OPCML: variants seen among roughly 807,000 people sequenced by gnomAD.
OPCML encodes opioid-binding protein/cell adhesion molecule.
In OPCML, 13 loss-of-function variants were observed where a neutral mutation model predicts 37.8. The ratio of observed to expected loss-of-function variants is 0.34; its 90% confidence interval spans 0.22 to 0.55. The LOEUF (loss-of-function observed/expected upper bound fraction) is 0.55, where lower values mean the gene tolerates loss of function less well. Ranked by LOEUF, OPCML falls within the 20% of genes least tolerant of loss-of-function variation. The pLI is 0.91. For missense variants in OPCML, 341 were observed against 435.6 expected (o/e 0.78, Z 1.93); for synonymous variants, 176 against 168.8 (o/e 1.04, Z -0.33).
chr11:132,730,064 A>G (rs1591528143), intron 2 of OPCML, among the ~76,000 whole-genome samples: 2 of 122,164 alleles, frequency 1.6e-5, no homozygotes, highest in Admixed American at 1.1e-4. Flanking sequence ...CCCAGGCTGG[A>G]GTACAGTGGC....
chr11:133,316,407 T>G (rs1364701308), intron 1 of OPCML, among the ~76,000 whole-genome samples: 1 of 152,092 alleles, frequency 6.6e-6, no homozygotes, highest in Non-Finnish European at 1.5e-5. Context: ...ATGTCCTCAC[T>G]CATAAGTGGG....
chr11:133,321,466 C>T (rs891529464), intron 1 of OPCML, among the ~76,000 whole-genome samples: 13 of 152,236 alleles, frequency 8.5e-5, no homozygotes, highest in Non-Finnish European at 1.6e-4. Flanking sequence ...GTACAGGAGT[C>T]TGGGGGGACA....
intron 1 of OPCML, among the ~76,000 whole-genome samples, chr11:133,336,076 CA>C (rs1328855817): frequency 6.6e-6 from 1 of 152,178 alleles, no homozygotes; most frequent in Non-Finnish European, 1.5e-5. Context: ...GAATCAATAT[CA>C]TTAAAGAAGT....
intron 2 of OPCML, among the ~76,000 whole-genome samples, chr11:132,703,447 C>T (rs1943910121): frequency 6.6e-6 from 1 of 152,134 alleles, no homozygotes; most frequent in South Asian, 2.1e-4. Flanking sequence ...TTGGTGGCAC[C>T]ATGCTTCCCT....
intron 2 of OPCML, among the ~76,000 whole-genome samples, chr11:132,687,260 G>C (rs1362322898): frequency 6.6e-6 from 1 of 150,548 alleles, no homozygotes; most frequent in African/African-American, 2.4e-5. Context: ...GCCGTATTAT[G>C]TTGTTTTGAA....
At chr11:132,931,497 G>A (rs1177592844) in intron 2 of OPCML, among the ~76,000 whole-genome samples, 4 of 152,002 alleles carry the variant, frequency 2.6e-5, no homozygotes, top group Admixed American at 6.6e-5. Flanking sequence ...TTTAAAAATG[G>A]GCAATCAACT....
chr11:133,419,133 A>T (rs557713587), intron 1 of OPCML: 2 of 529,392 alleles, frequency 3.8e-6, no homozygotes, highest in African/African-American at 4.1e-5. Context: ...ATGTGGCTAG[A>T]CTTATGCTAA....
chr11:133,479,082 T>A (rs1253125830), intron 1 of OPCML, among the ~76,000 whole-genome samples: 1 of 152,244 alleles, frequency 6.6e-6, no homozygotes, highest in African/African-American at 2.4e-5. Context: ...AAATGACTTA[T>A]GTAGCGTTTA....
rs547590450 is a variant in OPCML, at chr11:132,854,924, G to A, written c.146+88002C>T. On this transcript the variant is annotated intron_variant, in intron 2 of 7. Transcript: ENST00000524381. ...GCCCTCTGTCCTCACTCATTCCTAG[G>A]TGTAGGCCAAGCTAAGCATGGAAGG... is the stretch of plus-strand genomic sequence containing the variant. 3.4e-4 allele frequency among the ~76,000 whole-genome samples: 52 copies of A among 152,282 alleles called. No homozygotes were observed. In the South Asian group the frequency reaches 0.01, roughly 30 times the overall value.
intron 1 of OPCML, among the ~76,000 whole-genome samples, chr11:133,068,721 G>T (rs1948477994): frequency 6.6e-6 from 1 of 152,174 alleles, no homozygotes; most frequent in African/African-American, 2.4e-5. Flanking sequence ...GGATATTTTG[G>T]CATTCCCTGA....
At chr11:133,241,297 T>C (rs555789066) in intron 1 of OPCML, among the ~76,000 whole-genome samples, 1 of 152,208 alleles carries the variant, frequency 6.6e-6, no homozygotes, top group Non-Finnish European at 1.5e-5. Flanking sequence ...GGAGTGTGCA[T>C]GGAAGAAAAT....
At chr11:132,427,873 GT>G (rs1173801419) in intron 7 of OPCML, among the ~76,000 whole-genome samples, 7 of 152,154 alleles carry the variant, frequency 4.6e-5, no homozygotes, top group African/African-American at 1.4e-4. Context: ...AATGTCTGCA[GT>G]TTTTTTCTAC....
At chr11:132,823,180 T>G in intron 2 of OPCML, among the ~76,000 whole-genome samples, 1 of 152,200 alleles carries the variant, frequency 6.6e-6, no homozygotes, top group East Asian at 1.9e-4. Context: ...TTTGCTTGTT[T>G]TCTTCCCCTG....
At chr11:133,013,865 C>T (rs572320251) in intron 1 of OPCML, among the ~76,000 whole-genome samples, 1 of 152,156 alleles carries the variant, frequency 6.6e-6, no homozygotes, top group South Asian at 2.1e-4. Context: ...CCAAAATTTG[C>T]CACCTCAGAA....
At chr11:132,744,093 G>A (rs1591545498) in intron 2 of OPCML, among the ~76,000 whole-genome samples, 1 of 152,282 alleles carries the variant, frequency 6.6e-6, no homozygotes, top group Middle Eastern at 3.4e-3. Flanking sequence ...CCCACAGTTA[G>A]TATTCACTAT....
chr11:132,782,746 T>C (rs1317572463), intron 2 of OPCML, among the ~76,000 whole-genome samples: 1 of 151,882 alleles, frequency 6.6e-6, no homozygotes. Flanking sequence ...AGCGGAGTCA[T>C]AGAAATCATG....
chr11:132,626,712 C>T (rs1939762339), intron 3 of OPCML, among the ~76,000 whole-genome samples: 1 of 150,434 alleles, frequency 6.6e-6, no homozygotes. Flanking sequence ...AAAAAACATG[C>T]ATTTACTAAT....
chr11:132,511,876 G>A (rs988571708), intron 4 of OPCML, among the ~76,000 whole-genome samples: 1 of 152,064 alleles, frequency 6.6e-6, no homozygotes, highest in Non-Finnish European at 1.5e-5. Flanking sequence ...TCATCCAAAT[G>A]TAAAACTGAA....
chr11:132,452,605 C>T (rs961459760), intron 4 of OPCML, among the ~76,000 whole-genome samples: 1 of 151,704 alleles, frequency 6.6e-6, no homozygotes, highest in African/African-American at 2.4e-5. Flanking sequence ...TCCTGCCTGC[C>T]TTCCTACTTT....
Sources: allele counts gnomAD v4.1 joint callset (sites outside exome capture counted in the v4.1 genomes callset), GRCh38; gene constraint gnomAD v4.1.1; transcripts MANE v1.5; gene names NCBI Gene and HGNC (gene_info 2026-07-23, HGNC 2026-07-21).